Variants in CAST observed in about 807,000 individuals in gnomAD.
The protein encoded by CAST is calpastatin.
Under a neutral mutation model 119.6 loss-of-function variants are expected in CAST, and 76 were observed. The observed-to-expected ratio is 0.64, with a 90% CI of 0.53 to 0.77. The LOEUF (loss-of-function observed/expected upper bound fraction) is 0.77. CAST is among the 30% of genes least tolerant of loss of function. The probability of loss-of-function intolerance (pLI) is 0.00; values close to 1 mark genes in which losing one functional copy is unlikely to be tolerated. For synonymous variants in CAST, 319 were observed against 331.6 expected (o/e 0.96, Z 0.41); for missense variants, 953 against 946.5 (o/e 1.01, Z -0.09).
chr5:96,116,579 TTG>T, the CAST span, among the ~76,000 whole-genome samples: 3 of 152,230 alleles, frequency 2.0e-5, no homozygotes, highest in African/African-American at 7.2e-5. Flanking sequence ...ACATATGATA[TTG>T]TCAGTCTTTT....
Position 96,766,255 on chromosome 5 carries a change from C to T in CAST, c.2130+110C>T, listed in dbSNP as rs27525. Reference sequence around the variant, plus strand: ...CTCCTTTACAATAGCATAAAACATACCATGACTGACTGCTTCTAATGTGTC... The same window carrying T: ...CTCCTTTACAATAGCATAAAACATATCATGACTGACTGCTTCTAATGTGTC... On this transcript the variant is annotated intron_variant, in intron 27 of 31. Transcript: ENST00000675179. The T allele has an allele frequency of 0.43, 271,450 of 638,300 alleles. 59,998 individuals carry two copies. Among genetic ancestry groups the T allele is most frequent in the Middle Eastern group, 0.54 (2,114 of 3,906 alleles). The allele number at this position is 638,300 out of a possible 1,614,324, so 39.5% of individuals were successfully genotyped here. A position where few individuals can be genotyped will look rare whatever the true frequency, so the allele number is the denominator to read the frequency against.
intron 2 of CAST, among the ~76,000 whole-genome samples, chr5:96,692,316 A>G (rs1752818247): frequency 6.6e-6 from 1 of 152,066 alleles, no homozygotes; most frequent in African/African-American, 2.4e-5. Context: ...GACGTTGAAA[A>G]CCTTGCACCT....
At chr5:96,385,774 C>A in the CAST span, among the ~76,000 whole-genome samples, 3 of 152,166 alleles carry the variant, frequency 2.0e-5, no homozygotes, top group African/African-American at 7.2e-5. Context: ...TATTGCCTTG[C>A]AAATTACAAG....
intron 1 of CAST, among the ~76,000 whole-genome samples, chr5:96,612,507 T>C (rs1044336294): frequency 2.6e-5 from 4 of 152,168 alleles, no homozygotes; most frequent in Non-Finnish European, 5.9e-5. Flanking sequence ...TTGGGTTCAA[T>C]AGAAGCCCAA....
chr5:96,738,897 T>G (rs1371230820), intron 11 of CAST, among the ~76,000 whole-genome samples: 1 of 144,748 alleles, frequency 6.9e-6, no homozygotes, highest in African/African-American at 2.6e-5. Flanking sequence ...ATCATGCCAT[T>G]GCACTCCAGC....
At chr5:96,041,887 C>T in the CAST span, among the ~76,000 whole-genome samples, 13 of 152,080 alleles carry the variant, frequency 8.5e-5, no homozygotes, top group African/African-American at 3.1e-4. Context: ...GGAGCCTCAC[C>T]CTTTAGTTCC....
the CAST span, among the ~76,000 whole-genome samples, chr5:96,160,311 G>A: frequency 6.6e-6 from 1 of 151,888 alleles, no homozygotes; most frequent in Non-Finnish European, 1.5e-5. Context: ...ATTACCTTCT[G>A]TTTGCATGGA....
chr5:96,029,289 T>C, the CAST span, among the ~76,000 whole-genome samples: 2 of 152,132 alleles, frequency 1.3e-5, no homozygotes, highest in Admixed American at 1.3e-4. Context: ...TTTTAATATA[T>C]CTATCCATAT....
At chr5:96,130,350 G>C in the CAST span, among the ~76,000 whole-genome samples, 2 of 150,696 alleles carry the variant, frequency 1.3e-5, no homozygotes, top group African/African-American at 4.9e-5. Flanking sequence ...AAAAAACAAA[G>C]AAAGTCTGAG....
the CAST span, chr5:96,412,533 G>A: frequency 6.9e-3 from 10,584 of 1,541,358 alleles, 59 homozygotes; most frequent in Non-Finnish European, 7.5e-3. Flanking sequence ...GTTGATGTCA[G>A]TATGTACATG....
upstream of CAST, among the ~76,000 whole-genome samples, chr5:96,523,683 C>A (rs1745553560): frequency 6.6e-6 from 1 of 152,198 alleles, no homozygotes; most frequent in South Asian, 2.1e-4. Context: ...ACAGCCAGGA[C>A]TATATCAGTC....
At chr5:96,725,640 T>A (rs1759119487) in intron 4 of CAST, among the ~76,000 whole-genome samples, 1 of 152,220 alleles carries the variant, frequency 6.6e-6, no homozygotes, top group African/African-American at 2.4e-5. Flanking sequence ...AATTCAGCAA[T>A]TACTGATTTA....
chr5:96,000,115 T>A, the CAST span, among the ~76,000 whole-genome samples: 3 of 152,216 alleles, frequency 2.0e-5, no homozygotes, highest in Non-Finnish European at 2.9e-5. Context: ...TGTCTTTTTT[T>A]AAAAATATGT....
At chr5:96,734,400 G>C (rs1156736236) in intron 9 of CAST, among the ~76,000 whole-genome samples, 1 of 152,192 alleles carries the variant, frequency 6.6e-6, no homozygotes, top group Non-Finnish European at 1.5e-5. Context: ...GAGATAGGAA[G>C]GTAGAAGGTT....
At chr5:96,329,800 C>T in the CAST span, among the ~76,000 whole-genome samples, 1 of 152,190 alleles carries the variant, frequency 6.6e-6, no homozygotes, top group African/African-American at 2.4e-5. Context: ...AAGGATTTCT[C>T]CCTCACTATC....
At chr5:96,061,457 G>A in the CAST span, among the ~76,000 whole-genome samples, 1 of 152,116 alleles carries the variant, frequency 6.6e-6, no homozygotes, top group Non-Finnish European at 1.5e-5. Flanking sequence ...TCACATATAG[G>A]ACTGTAGGGA....
chr5:96,390,063 C>T, the CAST span, among the ~76,000 whole-genome samples: 151 of 152,308 alleles, frequency 9.9e-4, 1 homozygote, highest in Middle Eastern at 0.017. Context: ...AATCATTTCT[C>T]TTACATGTAG....
the CAST span, among the ~76,000 whole-genome samples, chr5:96,425,042 AAGAAAGAAAGAAAGAAAGAAAGAAAG>A: frequency 7.1e-6 from 1 of 140,488 alleles, no homozygotes; most frequent in Non-Finnish European, 1.5e-5. Flanking sequence ...GAAAGAAAGA[AAGAAAGAAAGAAAGAAAGAAAGAAAG>A]AAAGAAAACG....
chr5:96,621,155 C>G (rs891430047), intron 1 of CAST, among the ~76,000 whole-genome samples: 1 of 152,168 alleles, frequency 6.6e-6, no homozygotes, highest in Non-Finnish European at 1.5e-5. Context: ...AAAAGAGACT[C>G]CTGTAAGTGT....
Sources: gnomAD v4.1 joint callset for allele counts (sites outside exome capture counted in the v4.1 genomes callset) on GRCh38, gnomAD v4.1.1 for gene constraint, MANE v1.5 for transcripts, NCBI Gene and HGNC (gene_info 2026-07-23, HGNC 2026-07-21) for gene names.